The following ERC1 variants were observed in gnomAD, a reference collection of about 807,000 sequenced individuals.
The protein encoded by ERC1 is RAB6 interacting protein 2.
In ERC1, 56 loss-of-function variants were observed where a neutral mutation model predicts 132.0. The observed-to-expected ratio is 0.42, with a 90% CI of 0.34 to 0.53. The LOEUF is 0.53. Ranked by LOEUF, ERC1 falls within the 20% of genes least tolerant of loss-of-function variation. ERC1 has a pLI of 0.03. For synonymous variants in ERC1, 478 were observed against 476.1 expected (o/e 1.00, Z -0.05); for missense variants, 1,202 against 1,349.9 (o/e 0.89, Z 1.72).
intron 12 of ERC1, among the ~76,000 whole-genome samples, chr12:1,233,986 C>G (rs1270088948): frequency 1.3e-5 from 2 of 152,058 alleles, no homozygotes; most frequent in African/African-American, 2.4e-5. Flanking sequence ...TAAACATGCT[C>G]TTTTTTGGAG....
At chr12:1,015,770 T>C (rs887420224) in intron 1 of ERC1, among the ~76,000 whole-genome samples, 1 of 152,210 alleles carries the variant, frequency 6.6e-6, no homozygotes, top group African/African-American at 2.4e-5. Context: ...TCTTTAAACA[T>C]GTTGAAATAC....
At position 1,408,259 on chromosome 12, in the gene ERC1, C is replaced by G; in HGVS notation, c.3024+12C>G. ...CCTCCCCAGACCAGGTAAGATGGCT[C>G]TGGAATGTTTTATTAAAAAACCCAC... On this transcript the variant is annotated intron_variant, in intron 17 of 18. Transcript: ENST00000360905. The G allele has an allele frequency of 6.3e-7, 1 of 1,596,460 alleles. No individual in the cohort carries two copies. Among genetic ancestry groups the G allele is most frequent in the Middle Eastern group, 1.7e-4 (1 of 6,006 alleles).
chr12:1,082,270 C>T (rs987152446), intron 2 of ERC1, among the ~76,000 whole-genome samples: 16 of 151,784 alleles, frequency 1.1e-4, no homozygotes, highest in African/African-American at 3.9e-4. Flanking sequence ...TCGTGATGTG[C>T]CCGACTCGGC....
intron 17 of ERC1, among the ~76,000 whole-genome samples, chr12:1,426,279 A>G (rs1356450500): frequency 6.6e-6 from 1 of 151,956 alleles, no homozygotes; most frequent in Non-Finnish European, 1.5e-5. Flanking sequence ...CTAGTTTTGT[A>G]TTCTTAGTAG....
chr12:1,370,833 ACC>A (rs565189258), intron 15 of ERC1, among the ~76,000 whole-genome samples: 1 of 151,954 alleles, frequency 6.6e-6, no homozygotes, highest in South Asian at 2.1e-4. Flanking sequence ...AGATCCTCCT[ACC>A]TTAGTCTCCC....
intron 14 of ERC1, among the ~76,000 whole-genome samples, chr12:1,285,924 C>A (rs1237837389): frequency 6.6e-6 from 1 of 151,962 alleles, no homozygotes; most frequent in Non-Finnish European, 1.5e-5. Flanking sequence ...AATTAGTGTA[C>A]ACAAAAAAGA....
chr12:1,440,441 C>A (rs12303410), intron 17 of ERC1, among the ~76,000 whole-genome samples: 1 of 149,626 alleles, frequency 6.7e-6, no homozygotes, highest in Non-Finnish European at 1.5e-5. Context: ...CTCCTGACCT[C>A]GTGATCTGCC....
intron 1 of ERC1, among the ~76,000 whole-genome samples, chr12:992,902 G>A (rs1423832659): frequency 6.6e-6 from 1 of 152,232 alleles, no homozygotes; most frequent in Admixed American, 6.5e-5. Context: ...GATTTAAGCA[G>A]TGACTTTCCC....
chr12:1,181,166 G>A (rs1057482162), intron 9 of ERC1, among the ~76,000 whole-genome samples: 3 of 152,138 alleles, frequency 2.0e-5, no homozygotes, highest in Non-Finnish European at 4.4e-5. Flanking sequence ...AAGTTTTGAT[G>A]ATTTCTCTTT....
At chr12:1,400,923 T>G (rs1414233251) in intron 16 of ERC1, among the ~76,000 whole-genome samples, 2 of 60,840 alleles carry the variant, frequency 3.3e-5, no homozygotes, top group African/African-American at 2.2e-4. Context: ...TGTATTTTTT[T>G]TTTTTTTTTT....
intron 13 of ERC1, among the ~76,000 whole-genome samples, chr12:1,258,562 T>G (rs1018238774): frequency 1.3e-5 from 2 of 152,212 alleles, no homozygotes; most frequent in East Asian, 3.8e-4. Flanking sequence ...TGACATCTTA[T>G]TGGCTCACTC....
At chr12:1,044,494 C>G (rs1970772593) in intron 2 of ERC1, among the ~76,000 whole-genome samples, 1 of 152,008 alleles carries the variant, frequency 6.6e-6, no homozygotes, top group South Asian at 2.1e-4. Flanking sequence ...CATCAGTTGA[C>G]AAATGGGGAT....
intron 2 of ERC1, among the ~76,000 whole-genome samples, chr12:1,065,477 CGTTTGT>C (rs1411411162): frequency 9.2e-5 from 4 of 43,460 alleles, no homozygotes; most frequent in Non-Finnish European, 1.6e-4. Flanking sequence ...TTCTTTGTAC[CGTTTGT>C]GTGTGTGTGT....
At chr12:1,082,615 C>T (rs1033479811) in intron 2 of ERC1, among the ~76,000 whole-genome samples, 2 of 151,500 alleles carry the variant, frequency 1.3e-5, no homozygotes, top group Non-Finnish European at 2.9e-5. Context: ...CTCAGCCTCC[C>T]GAGTAGCTCA....
At chr12:1,256,177 TC>T (rs1185717071) in intron 13 of ERC1, among the ~76,000 whole-genome samples, 2 of 152,134 alleles carry the variant, frequency 1.3e-5, no homozygotes, top group African/African-American at 4.8e-5. Flanking sequence ...AAAAATTTTC[TC>T]CCATTCTGTA....
intron 15 of ERC1, 46 bp downstream of exon 15, chr12:1,290,058 T>A (rs1291711870): frequency 1.3e-6 from 2 of 1,541,220 alleles, no homozygotes; most frequent in Non-Finnish European, 1.8e-6. Context: ...TTAGTGGAAA[T>A]ACTTTTTCTC....
chr12:1,376,117 A>G (rs535261376), intron 16 of ERC1, among the ~76,000 whole-genome samples: 1 of 152,312 alleles, frequency 6.6e-6, no homozygotes, highest in Admixed American at 6.5e-5. Flanking sequence ...CAACCAGCAC[A>G]TGGCGTTCCA....
intron 16 of ERC1, among the ~76,000 whole-genome samples, chr12:1,382,833 A>G (rs768157): frequency 0.52 from 79,173 of 152,066 alleles, 23,828 homozygotes; most frequent in African/African-American, 0.84. Flanking sequence ...TTATTAAAAA[A>G]TATTGCATTA....
At chr12:1,304,938 C>T (rs561976535) in intron 15 of ERC1, among the ~76,000 whole-genome samples, 11 of 151,140 alleles carry the variant, frequency 7.3e-5, no homozygotes, top group African/African-American at 1.2e-4. Context: ...TACAGGCGCC[C>T]GCCCCCACGC....
Sources: gnomAD v4.1 joint callset for allele counts (sites outside exome capture counted in the v4.1 genomes callset) on GRCh38, gnomAD v4.1.1 for gene constraint, MANE v1.5 for transcripts, NCBI Gene and HGNC (gene_info 2026-07-23, HGNC 2026-07-21) for gene names.